Variants in TRPM3 observed in about 807,000 individuals in gnomAD.
The protein encoded by TRPM3 is long transient receptor potential channel 3.
A neutral mutation model predicts 181.2 loss-of-function variants in TRPM3; 77 were observed. The observed-to-expected ratio is 0.42, with a 90% CI of 0.35 to 0.51. The LOEUF (loss-of-function observed/expected upper bound fraction) is 0.51, where lower values mean the gene tolerates loss of function less well. Ranked by LOEUF, TRPM3 falls within the 20% of genes least tolerant of loss-of-function variation. The probability of loss-of-function intolerance (pLI) is 0.01; values close to 1 mark genes in which losing one functional copy is unlikely to be tolerated. For synonymous variants in TRPM3, 745 were observed against 796.4 expected (o/e 0.94, Z 1.09); for missense variants, 1,759 against 2,196.7 (o/e 0.80, Z 3.98).
chr9:70,827,593 A>T (rs2093632495), intron 6 of TRPM3: 1 of 365,012 alleles, frequency 2.7e-6, no homozygotes, highest in African/African-American at 2.0e-5. Flanking sequence ...CTGCATACAC[A>T]TACCCCAGAT....
chr9:71,172,478 A>G (rs1389890643), intron 1 of TRPM3, among the ~76,000 whole-genome samples: 3 of 150,698 alleles, frequency 2.0e-5, no homozygotes, highest in African/African-American at 7.3e-5. Context: ...TGATCTCAGC[A>G]CACTCCAGCC....
chr9:70,849,682 G>A (rs568237181), intron 3 of TRPM3, among the ~76,000 whole-genome samples: 1 of 152,250 alleles, frequency 6.6e-6, no homozygotes, highest in Non-Finnish European at 1.5e-5. Flanking sequence ...GCATTCTAAA[G>A]CCTATGTTGT....
At chr9:70,829,819 C>G (rs2093781070) in intron 5 of TRPM3, among the ~76,000 whole-genome samples, 1 of 152,140 alleles carries the variant, frequency 6.6e-6, no homozygotes, top group South Asian at 2.1e-4. Context: ...CCATCCTGAG[C>G]TTGTTATCAC....
chr9:71,228,605 G>A (rs2080848753), intron 1 of TRPM3, among the ~76,000 whole-genome samples: 1 of 151,872 alleles, frequency 6.6e-6, no homozygotes, highest in Admixed American at 6.6e-5. Context: ...ACTTAGAACG[G>A]ATAAATTCAG....
intron 1 of TRPM3, among the ~76,000 whole-genome samples, chr9:71,399,167 C>T (rs1565534033): frequency 6.6e-6 from 1 of 151,944 alleles, no homozygotes; most frequent in East Asian, 1.9e-4. Flanking sequence ...AAATAGGAGA[C>T]TAAGATAGTA....
In TRPM3 at chr9:71,230,283, G is replaced by C. The variant is rs1199286892; in HGVS notation, c.183+216370C>G. ...AAATTAAAACAATTGAACTTGTGCAGATCGAGAGCAGAAGGATGATTACCA... is the reference window on the plus strand; with the variant it reads ...AAATTAAAACAATTGAACTTGTGCACATCGAGAGCAGAAGGATGATTACCA... On this transcript the variant is annotated intron_variant, in intron 1 of 24. Coordinates refer to the TRPM3 transcript ENST00000357533. Among the ~76,000 whole-genome samples the C allele has an allele frequency of 2.0e-5, 3 of 152,004 alleles. No homozygotes were observed. In the East Asian group the frequency reaches 5.8e-4, roughly 29 times the overall value.
chr9:71,259,544 C>T (rs2082898594), intron 1 of TRPM3, among the ~76,000 whole-genome samples: 1 of 152,174 alleles, frequency 6.6e-6, no homozygotes, highest in Non-Finnish European at 1.5e-5. Flanking sequence ...CATATCCTCT[C>T]CTGCATCTGT....
At position 70,535,696 on chromosome 9, in the gene TRPM3, C is replaced by T. The variant is rs1806766281; in HGVS notation, c.*257G>A. ...GATACACATTCATCTCTAACCCTTCCTTCTCCCTCTCTTCCCCCTCCCTGC... is the reference window on the plus strand; with the variant it reads ...GATACACATTCATCTCTAACCCTTCTTTCTCCCTCTCTTCCCCCTCCCTGC... On this transcript the variant is annotated 3_prime_UTR_variant, in exon 26 of 26. Coordinates refer to ENST00000677713, the MANE Select transcript of TRPM3 (RefSeq NM_001366145.2). The T allele has an allele frequency of 1.4e-6, 2 of 1,434,798 alleles. No individual in the cohort carries two copies. The highest frequency in any genetic ancestry group is 1.8e-6 in the Non-Finnish European group (2 of 1,101,588). 88.9% of individuals were successfully genotyped at this position (1,434,798 alleles called of 1,614,324 possible). A position where few individuals can be genotyped will look rare whatever the true frequency, so the allele number is the denominator to read the frequency against.
At chr9:71,378,659 G>A (rs557408431) in intron 1 of TRPM3, among the ~76,000 whole-genome samples, 6 of 152,110 alleles carry the variant, frequency 3.9e-5, no homozygotes, top group Non-Finnish European at 1.5e-5. Flanking sequence ...TTGGAAACCG[G>A]AGAGTGTTTC....
chr9:71,199,482 G>C (rs1289205382), intron 1 of TRPM3, among the ~76,000 whole-genome samples: 1 of 151,974 alleles, frequency 6.6e-6, no homozygotes, highest in Admixed American at 6.6e-5. Flanking sequence ...GGTAGAATTC[G>C]GCTGTGAATC....
chr9:71,226,538 T>A (rs1042746317), intron 1 of TRPM3, among the ~76,000 whole-genome samples: 1 of 151,970 alleles, frequency 6.6e-6, no homozygotes, highest in Non-Finnish European at 1.5e-5. Context: ...TATACTTATA[T>A]CAGACAAAAA....
At chr9:70,938,912 C>G (rs539299659) in intron 1 of TRPM3, among the ~76,000 whole-genome samples, 3 of 151,160 alleles carry the variant, frequency 2.0e-5, no homozygotes, top group African/African-American at 4.9e-5. Context: ...GAGCCAAGAT[C>G]GCGCCACTGC....
intron 1 of TRPM3, among the ~76,000 whole-genome samples, chr9:70,983,925 C>T (rs1394817628): frequency 1.3e-5 from 2 of 152,110 alleles, no homozygotes; most frequent in Non-Finnish European, 2.9e-5. Flanking sequence ...AGCAGGTTGG[C>T]TTCCTGGGGT....
intron 1 of TRPM3, among the ~76,000 whole-genome samples, chr9:71,247,710 G>A (rs1200983998): frequency 6.6e-6 from 1 of 152,072 alleles, no homozygotes; most frequent in East Asian, 1.9e-4. Flanking sequence ...TCAGGGCAAG[G>A]GAAGAGCTCC....
chr9:70,790,807 G>A (rs868550677), intron 6 of TRPM3, among the ~76,000 whole-genome samples: 2 of 152,064 alleles, frequency 1.3e-5, no homozygotes, highest in Admixed American at 1.3e-4. Flanking sequence ...AGTTTAAGGT[G>A]CTTCTTACAA....
intron 1 of TRPM3, among the ~76,000 whole-genome samples, chr9:71,007,803 C>A (rs1352288776): frequency 6.6e-6 from 1 of 151,904 alleles, no homozygotes; most frequent in Non-Finnish European, 1.5e-5. Context: ...GAGTTTACAG[C>A]AATAAATGCC....
intron 1 of TRPM3, among the ~76,000 whole-genome samples, chr9:71,374,616 G>A (rs2092618241): frequency 6.6e-6 from 1 of 152,084 alleles, no homozygotes; most frequent in Admixed American, 6.5e-5. Context: ...GCAAGAGAAA[G>A]AAATAAAGGG....
intron 1 of TRPM3, among the ~76,000 whole-genome samples, chr9:71,108,936 G>T (rs2070391259): frequency 6.6e-6 from 1 of 152,124 alleles, no homozygotes; most frequent in African/African-American, 2.4e-5. Context: ...TTTGGATGAG[G>T]TTTACATTTA....
intron 1 of TRPM3, among the ~76,000 whole-genome samples, chr9:70,944,260 T>G (rs2096912267): frequency 6.6e-6 from 1 of 152,156 alleles, no homozygotes; most frequent in Non-Finnish European, 1.5e-5. Context: ...ATGACCACCC[T>G]GCTTGAACAA....
Sources: gnomAD v4.1 joint callset for allele counts (sites outside exome capture counted in the v4.1 genomes callset) on GRCh38, gnomAD v4.1.1 for gene constraint, MANE v1.5 for transcripts, NCBI Gene and HGNC (gene_info 2026-07-23, HGNC 2026-07-21) for gene names.